The following HEPHL1 variants were observed in gnomAD, a reference collection of about 807,000 sequenced individuals.
The protein encoded by HEPHL1 is hephaestin like 1.
HEPHL1 carries 123 observed loss-of-function variants against 122.0 expected under a neutral mutation model. The observed-to-expected ratio is 1.01, with a 90% CI of 0.87 to 1.17. The LOEUF (loss-of-function observed/expected upper bound fraction) is 1.17, where lower values mean the gene tolerates loss of function less well. HEPHL1 is among the 50% of genes most tolerant of loss of function. The probability of loss-of-function intolerance (pLI) is 0.00; values close to 1 mark genes in which losing one functional copy is unlikely to be tolerated. For synonymous variants in HEPHL1, 527 were observed against 508.9 expected (o/e 1.04, Z -0.48); for missense variants, 1,452 against 1,430.5 (o/e 1.01, Z -0.24).
At chr11:94,063,780 A>AT (rs1946009316) in intron 3 of HEPHL1, 60 bp downstream of exon 3, 7 of 1,420,258 alleles carry the variant, frequency 4.9e-6, no homozygotes, top group African/African-American at 2.8e-5. Context: ...TTCAGGTCTT[A>AT]TTTTGCCTAC....
chr11:94,039,607 G>C (rs1396176742), intron 1 of HEPHL1, among the ~76,000 whole-genome samples: 1 of 151,836 alleles, frequency 6.6e-6, no homozygotes, highest in Non-Finnish European at 1.5e-5. Flanking sequence ...TGAACAACCT[G>C]CTCCTGAATG....
chr11:94,066,948 A>G (rs2252036), intron 4 of HEPHL1, among the ~76,000 whole-genome samples: 54,216 of 152,084 alleles, frequency 0.36, 10,420 homozygotes, highest in Admixed American at 0.46. Flanking sequence ...TTTTTAAAGT[A>G]AACAAACAAA....
At chr11:94,056,246 T>C (rs888246406) in intron 2 of HEPHL1, among the ~76,000 whole-genome samples, 5 of 152,218 alleles carry the variant, frequency 3.3e-5, no homozygotes, top group African/African-American at 9.6e-5. Context: ...TGTCTTTCAA[T>C]GTAAGACACA....
At chr11:94,057,496 A>T (rs142264560) in intron 2 of HEPHL1, among the ~76,000 whole-genome samples, 58 of 152,132 alleles carry the variant, frequency 3.8e-4, no homozygotes, top group African/African-American at 1.3e-3. Flanking sequence ...ATTTCTATTG[A>T]TCTAGCTTTA....
chr11:94,076,279 A>G lies in HEPHL1; in HGVS notation c.1716+894A>G, dbSNP rs77684745. On this transcript the variant is annotated intron_variant, in intron 9 of 19. Transcript: ENST00000315765. ...ACAAGGCAAAGCGGAATGATTATTC[A>G]TATTTTAAAGCTGAAGAAACTAAGG... Among the ~76,000 whole-genome samples, 613 of 152,310 alleles carry G rather than the reference A, an allele frequency of 4.0e-3. 4 individuals carry two copies. Among genetic ancestry groups the G allele is most frequent in the Non-Finnish European group, 7.0e-3 (475 of 68,024 alleles).
chr11:94,039,828 A>G (rs1250291224), intron 1 of HEPHL1, among the ~76,000 whole-genome samples: 151 of 126,956 alleles, frequency 1.2e-3, no homozygotes, highest in Admixed American at 1.8e-3. Flanking sequence ...AAGCAAGAGC[A>G]AACACATTCA....
chr11:94,036,908 G>A (rs1301388381), intron 1 of HEPHL1, among the ~76,000 whole-genome samples: 1 of 151,578 alleles, frequency 6.6e-6, no homozygotes, highest in Non-Finnish European at 1.5e-5. Context: ...ACAGCTCCCA[G>A]CGTGAGCGAC....
chr11:94,063,542 C>A lies in HEPHL1; in HGVS notation c.450C>A (p.Asn150Lys), dbSNP rs756758997. The change falls in exon 3 of 20, where the codon AAC becomes AAA. Residue 150 changes from asparagine (N) to lysine (K), a missense_variant. Transcript: ENST00000315765. ...ALYPDGTSGR[N>K]KNDDMVPPGK... ...ACCCAGATGGAACATCTGGAAGGAA[C>A]AAAAATGATGACATGGTTCCTCCTG... is the stretch of plus-strand genomic sequence containing the variant. 6.2e-7 allele frequency: 1 copy of A among 1,612,362 alleles called. No homozygotes were observed. Among genetic ancestry groups the A allele is most frequent in the South Asian group, 1.1e-5 (1 of 90,912 alleles).
chr11:94,051,979 T>G lies in HEPHL1; in HGVS notation c.415+6062T>G, dbSNP rs139411077. ...TATGGATTTATTTCCAGGTTCTCTA[T>G]TCTGTTCCATTTGTCTGTGTGTCTG... On this transcript the variant is annotated intron_variant, in intron 2 of 19. Coordinates refer to ENST00000315765, the MANE Select transcript of HEPHL1 (RefSeq NM_001098672.2). Among the ~76,000 whole-genome samples the G allele has an allele frequency of 2.8e-3, 425 of 152,292 alleles. 3 individuals are homozygous for G. The highest frequency in any genetic ancestry group is 9.4e-3 in the African/African-American group (392 of 41,536).
intron 9 of HEPHL1, among the ~76,000 whole-genome samples, chr11:94,075,973 T>G (rs1946119488): frequency 1.3e-5 from 2 of 152,154 alleles, no homozygotes; most frequent in African/African-American, 4.8e-5. Flanking sequence ...TCAAGCTATG[T>G]CTACATGATA....
At chr11:94,024,902 T>A (rs1306970321) in intron 1 of HEPHL1, among the ~76,000 whole-genome samples, 1 of 152,164 alleles carries the variant, frequency 6.6e-6, no homozygotes, top group African/African-American at 2.4e-5. Flanking sequence ...GGGCAGGCAT[T>A]CAAAATCATT....
intron 18 of HEPHL1, 50 bp from the exon 19 acceptor site, chr11:94,111,487 G>T: frequency 1.4e-6 from 2 of 1,395,310 alleles, no homozygotes; most frequent in Non-Finnish European, 2.0e-6. Context: ...GTCATGAAAA[G>T]AATCCCCTTC....
At chr11:94,101,100 A>C (rs1293741776) in intron 13 of HEPHL1, 95 bp from the exon 14 acceptor site, 2 of 1,413,902 alleles carry the variant, frequency 1.4e-6, no homozygotes, top group East Asian at 4.6e-5. Flanking sequence ...AACTAAAGCC[A>C]AACTATTTTA....
chr11:94,029,351 AC>A (rs1945653491), intron 1 of HEPHL1, among the ~76,000 whole-genome samples: 1 of 152,186 alleles, frequency 6.6e-6, no homozygotes, highest in Non-Finnish European at 1.5e-5. Context: ...AAATGCCCCC[AC>A]CCAGAAGTGA....
intron 9 of HEPHL1, among the ~76,000 whole-genome samples, chr11:94,077,666 G>A (rs1381245218): frequency 6.6e-6 from 1 of 152,176 alleles, no homozygotes; most frequent in Non-Finnish European, 1.5e-5. Flanking sequence ...TCACTTTCCT[G>A]TTCAACACTT....
rs753275151 is a variant in HEPHL1 at position 94,064,319 on chromosome 11, T to C, written c.629-12T>C. On this transcript the variant is annotated splice_polypyrimidine_tract_variant and intron_variant, in intron 3 of 19. Transcript: ENST00000315765. ...AGTTCTTTCTCTCTACTCTTTTGAA[T>C]GTGCCTGACAGGTATCCTGAATAGA... 1 of 1,597,742 alleles carries C rather than the reference T, an allele frequency of 6.3e-7. No individual in the cohort carries two copies.
At chr11:94,042,697 G>C (rs1448950292) in intron 1 of HEPHL1, among the ~76,000 whole-genome samples, 3 of 139,522 alleles carry the variant, frequency 2.2e-5, no homozygotes, top group Non-Finnish European at 3.1e-5. Flanking sequence ...GACACAGGAA[G>C]GGGAATATCA....
intron 2 of HEPHL1, among the ~76,000 whole-genome samples, chr11:94,053,683 C>T (rs1160976385): frequency 6.6e-6 from 1 of 152,014 alleles, no homozygotes; most frequent in Non-Finnish European, 1.5e-5. Flanking sequence ...AAATATTTTA[C>T]AATTTCCCTT....
chr11:94,110,762 A>G (rs954044041), intron 17 of HEPHL1, 141 bp from the exon 18 acceptor site: 1 of 619,050 alleles, frequency 1.6e-6, no homozygotes, highest in South Asian at 2.2e-5. Flanking sequence ...TCTCTATTGT[A>G]CTTCTATTCT....
Sources: allele counts gnomAD v4.1 joint callset (sites outside exome capture counted in the v4.1 genomes callset), GRCh38; gene constraint gnomAD v4.1.1; transcripts MANE v1.5; gene names NCBI Gene and HGNC (gene_info 2026-07-23, HGNC 2026-07-21).